The following CA12 variants were observed in gnomAD, a reference collection of about 807,000 sequenced individuals.
The protein encoded by CA12 is carbonate dehydratase XII.
Under a neutral mutation model 46.8 loss-of-function variants are expected in CA12, and 36 were observed. The observed-to-expected ratio is 0.77, with a 90% CI of 0.59 to 1.02. The LOEUF is 1.02. Among genes scored for constraint, CA12 ranks in the 50% least tolerant of loss-of-function variants. CA12 has a pLI of 0.00. For missense variants in CA12, 436 were observed against 451.4 expected (o/e 0.97, Z 0.31); for synonymous variants, 202 against 187.0 (o/e 1.08, Z -0.65).
rs2038815301 is a variant in CA12, at chr15:63,323,135, ACT to A, written c.*3148_*3149del. On this transcript the variant is annotated 3_prime_UTR_variant, in exon 11 of 11. Transcript: ENST00000178638. This position sits in a 1 kb window ranked among gnomAD's most constrained non-coding sequence, Gnocchi z 5.1. ...GGGCTGCCCACCTACTAGGTTTAATACTCTCAGGAGTAAAGAGACATAGGACC... is the reference window on the plus strand; with the variant it reads ...GGGCTGCCCACCTACTAGGTTTAATACTCAGGAGTAAAGAGACATAGGACC... 6.6e-6 allele frequency: 1 copy of A among 152,072 alleles called. No homozygotes were observed. The highest frequency in any genetic ancestry group is 6.5e-5 in the Admixed American group (1 of 15,278). The allele number at this position is 152,072 out of a possible 1,614,324, so 9.4% of individuals were successfully genotyped here. A position where few individuals can be genotyped will look rare whatever the true frequency, so the allele number is the denominator to read the frequency against.
intron 2 of CA12, among the ~76,000 whole-genome samples, chr15:63,349,621 T>C (rs1444624827): frequency 6.6e-6 from 1 of 152,212 alleles, no homozygotes; most frequent in African/African-American, 2.4e-5. Context: ...TGCACCATTT[T>C]ATGGGTGAAA....
intron 2 of CA12, among the ~76,000 whole-genome samples, chr15:63,365,601 G>C (rs73444956): frequency 6.6e-6 from 1 of 152,188 alleles, no homozygotes; most frequent in South Asian, 2.1e-4. Flanking sequence ...CAGCAGAGAC[G>C]GGCTTTCAGC....
chr15:63,356,732 C>A (rs2152621741), intron 2 of CA12, among the ~76,000 whole-genome samples: 2 of 152,220 alleles, frequency 1.3e-5, no homozygotes, highest in South Asian at 4.2e-4. Context: ...CAGTCTCGAT[C>A]TCCTGACTTC....
rs2038876270 is a variant in CA12, at chr15:63,327,049, G to A, written c.992+100C>T. 1 of 1,066,082 alleles carries A rather than the reference G, an allele frequency of 9.4e-7. No individual in the cohort carries two copies. The highest frequency in any genetic ancestry group is 1.4e-6 in the Non-Finnish European group (1 of 695,038). 66.0% of individuals were successfully genotyped at this position (1,066,082 alleles called of 1,614,324 possible). A position where few individuals can be genotyped will look rare whatever the true frequency, so the allele number is the denominator to read the frequency against. ...CCTCCTAGGGTAAGTGGTGGTCCAG[G>A]TGACTGCGGCTCTTCATGCCACAAA... On this transcript the variant is annotated intron_variant, in intron 10 of 10. Transcript: ENST00000178638. The surrounding 1 kb of genome is among the most constrained non-coding windows in gnomAD (Gnocchi z 4.5).
chr15:63,375,957 G>A (rs1289379899), intron 1 of CA12, among the ~76,000 whole-genome samples: 1 of 151,970 alleles, frequency 6.6e-6, no homozygotes, highest in African/African-American at 2.4e-5. Flanking sequence ...TTACAGGCAC[G>A]CACCGTCACG....
chr15:63,347,172 G>A (rs2039161544), intron 2 of CA12, among the ~76,000 whole-genome samples: 1 of 152,204 alleles, frequency 6.6e-6, no homozygotes, highest in African/African-American at 2.4e-5. Flanking sequence ...CCCCAGGTGG[G>A]AAAAATTAGT....
intron 2 of CA12, among the ~76,000 whole-genome samples, chr15:63,353,438 C>T (rs1233851969): frequency 6.6e-6 from 1 of 152,176 alleles, no homozygotes; most frequent in African/African-American, 2.4e-5. Flanking sequence ...GGGATCCATC[C>T]GGCCTCCCTT....
chr15:63,357,466 G>A (rs1426992375), intron 2 of CA12, among the ~76,000 whole-genome samples: 1 of 152,170 alleles, frequency 6.6e-6, no homozygotes, highest in Non-Finnish European at 1.5e-5. Flanking sequence ...CAGTCCCTGA[G>A]ATCAGGATTA....
chr15:63,373,992 T>C lies in CA12; in HGVS notation c.106+1666A>G, dbSNP rs1285077798. On this transcript the variant is annotated intron_variant, in intron 2 of 10. Coordinates refer to ENST00000178638, the MANE Select transcript of CA12 (RefSeq NM_001218.5). This position sits in a 1 kb window ranked among gnomAD's most constrained non-coding sequence, Gnocchi z 4.9. ...CTCACTGCCACCACTGTAAACTGGA[T>C]GTGAAGACACGGAACGGGGTTTCTC... Among the ~76,000 whole-genome samples, 1 of 152,158 alleles carries C rather than the reference T, an allele frequency of 6.6e-6. No individual in the cohort carries two copies. The highest frequency in any genetic ancestry group is 1.5e-5 in the Non-Finnish European group (1 of 68,026).
chr15:63,372,164 A>C lies in CA12; in HGVS notation c.106+3494T>G, dbSNP rs1455472052. Among the ~76,000 whole-genome samples the C allele has an allele frequency of 6.6e-6, 1 of 152,154 alleles. No homozygotes were observed. Among genetic ancestry groups the C allele is most frequent in the Non-Finnish European group, 1.5e-5 (1 of 68,030 alleles). ...AGGCTGGAGTTTGTCCTTAGCTCACATGACAACCTGACCTGCAGCTGTCCT... is the reference window on the plus strand; with the variant it reads ...AGGCTGGAGTTTGTCCTTAGCTCACCTGACAACCTGACCTGCAGCTGTCCT... On this transcript the variant is annotated intron_variant, in intron 2 of 10. Transcript: ENST00000178638. The surrounding 1 kb of genome is among the most constrained non-coding windows in gnomAD (Gnocchi z 4.5).
intron 2 of CA12, among the ~76,000 whole-genome samples, chr15:63,364,330 T>TAAAAAAAAAAAA (rs2039407555): frequency 9.1e-4 from 2 of 2,204 alleles, no homozygotes; most frequent in Non-Finnish European, 3.5e-3. Context: ...ACCCCGTCAC[T>TAAAAAAAAAAAA]AGAAAAAAAA....
intron 1 of CA12, among the ~76,000 whole-genome samples, chr15:63,376,552 TCTTTC>T (rs1567056908): frequency 6.9e-6 from 1 of 144,762 alleles, no homozygotes; most frequent in East Asian, 2.1e-4. Flanking sequence ...CCACTCTCTT[TCTTTC>T]CTTTCTTTCT....
chr15:63,346,501 C>A lies in CA12; in HGVS notation c.286+29G>T, dbSNP rs140417401. The A allele has an allele frequency of 3.5e-5, 56 of 1,600,706 alleles. No individual in the cohort carries two copies. The East Asian group carries it at 1.1e-3, about 33-fold the overall frequency. ...GCAGCTGAGGGAGACTCAGACATAC[C>A]CCTCAGGTCTCCAAGGCCTCTCCCT... On this transcript the variant is annotated intron_variant, in intron 3 of 10. Coordinates refer to ENST00000178638, the MANE Select transcript of CA12 (RefSeq NM_001218.5).
Position 63,323,562 on chromosome 15 carries a change from T to C in CA12, c.*2723A>G, listed in dbSNP as rs191079071. ...GAAAAACATTTATAATTTCTTGTAGTTACAGTGTGTATCTTCATTATAATC... is the reference window on the plus strand; with the variant it reads ...GAAAAACATTTATAATTTCTTGTAGCTACAGTGTGTATCTTCATTATAATC... On this transcript the variant is annotated 3_prime_UTR_variant, in exon 11 of 11. Coordinates refer to ENST00000178638, the MANE Select transcript of CA12 (RefSeq NM_001218.5). The surrounding 1 kb of genome is among the most constrained non-coding windows in gnomAD (Gnocchi z 5.1). The C allele has an allele frequency of 1.7e-3, 252 of 151,940 alleles. 1 individual carries two copies. The highest frequency in any genetic ancestry group is 2.8e-3 in the Admixed American group (43 of 15,240). The allele number at this position is 151,940 out of a possible 1,614,324, so 9.4% of individuals were successfully genotyped here. A position where few individuals can be genotyped will look rare whatever the true frequency, so the allele number is the denominator to read the frequency against.
At chr15:63,350,811 G>C (rs372108956) in intron 2 of CA12, among the ~76,000 whole-genome samples, 5 of 152,142 alleles carry the variant, frequency 3.3e-5, no homozygotes, top group African/African-American at 4.8e-5. Context: ...ATGTCACCCA[G>C]CTTGGACAGT....
intron 1 of CA12, among the ~76,000 whole-genome samples, chr15:63,376,566 C>CTTTCTTTCTT (rs1555432645): frequency 9.2e-6 from 1 of 108,652 alleles, no homozygotes; most frequent in Non-Finnish European, 1.9e-5. Flanking sequence ...TCCTTTCTTT[C>CTTTCTTTCTT]TTTCTTTCTT....
At position 63,340,257 on chromosome 15, in the gene CA12, G is replaced by C; in HGVS notation, c.747+31C>G. The C allele has an allele frequency of 1.2e-6, 2 of 1,613,450 alleles. No individual in the cohort carries two copies. The highest frequency in any genetic ancestry group is 1.7e-6 in the Non-Finnish European group (2 of 1,179,428). On this transcript the variant is annotated intron_variant, in intron 7 of 10. Transcript: ENST00000178638. The surrounding 1 kb of genome is among the most constrained non-coding windows in gnomAD (Gnocchi z 4.4). ...GATGATGGGGACTGAGGTGCCGCGT[G>C]GACTCTGGCTGAGTCTGGCACGACA...
intron 2 of CA12, among the ~76,000 whole-genome samples, chr15:63,354,760 T>A (rs567328326): frequency 1.3e-5 from 2 of 152,176 alleles, no homozygotes; most frequent in East Asian, 3.9e-4. Flanking sequence ...CATCCAGCCA[T>A]GGTGGTGGGG....
chr15:63,366,820 CT>C (rs570366741), intron 2 of CA12, among the ~76,000 whole-genome samples: 96 of 152,330 alleles, frequency 6.3e-4, no homozygotes, highest in Admixed American at 4.6e-3. Context: ...GACTAAGGCT[CT>C]TTCTAGATGA....
Sources: gnomAD v4.1 joint callset for allele counts (sites outside exome capture counted in the v4.1 genomes callset) on GRCh38, gnomAD v4.1.1 for gene constraint, Gnocchi (gnomAD v3.1) non-coding constraint, MANE v1.5 for transcripts, NCBI Gene and HGNC (gene_info 2026-07-23, HGNC 2026-07-21) for gene names.